The following STARD9 variants were observed in gnomAD, a reference collection of about 807,000 sequenced individuals.
STARD9 encodes the protein stAR-related lipid transfer protein 9.
Under a neutral mutation model 399.8 loss-of-function variants are expected in STARD9, and 346 were observed. The observed-to-expected ratio is 0.87, with a 90% CI of 0.79 to 0.95. STARD9 has a LOEUF of 0.95. Among genes scored for constraint, STARD9 ranks in the 40% least tolerant of loss-of-function variants. The pLI is 0.00. For missense variants in STARD9, 5,832 were observed against 5,667.5 expected (o/e 1.03, Z -0.93); for synonymous variants, 2,203 against 2,143.5 (o/e 1.03, Z -0.77).
intron 3 of STARD9, among the ~76,000 whole-genome samples, chr15:42,621,471 C>T (rs1005182282): frequency 6.6e-6 from 1 of 152,188 alleles, no homozygotes; most frequent in Admixed American, 6.5e-5. Context: ...AAGGCAGCCC[C>T]TAGAACTACG....
chr15:42,665,804 A>G lies in STARD9; in HGVS notation c.1273A>G (p.Ser425Gly), dbSNP rs1402472892. Reference protein sequence around the residue: ...SFELRNFSSLSDENLKELVLQ... With the variant: ...SFELRNFSSLGDENLKELVLQ... ...TGTGCAGAGAAACTTCAGTTCATTG[A>G]GTGATGAAAACCTGAAGGAGCTGGT... Residue 425 changes from serine to glycine, a missense_variant, in exon 15 of 33, where the codon AGT becomes GGT. By Grantham distance (56) the Ser-to-Gly change is moderately conservative (BLOSUM62 0). Coordinates refer to ENST00000290607, the MANE Select transcript of STARD9 (RefSeq NM_020759.3). 6 of 1,537,194 alleles carry G rather than the reference A, an allele frequency of 3.9e-6. No individual in the cohort carries two copies. The South Asian group carries it at 7.1e-5, about 18-fold the overall frequency.
In STARD9 at chr15:42,684,707, G is replaced by T; in HGVS notation, c.3129G>T (p.Arg1043Ser). ...CTTCTCCAAGCAGGGCATCAAAAAG[G>T]CATCAGAGGGTTCTGGCAACTAGGG... ...KPPSPSRASK[R>S]HQRVLATRVR... Residue 1043 changes from arginine to serine, a missense_variant, in exon 23 of 33, where the codon AGG (arginine) becomes AGT (serine). Around this residue, in one of 2 missense-constraint regions of STARD9, gnomAD observed 5,828 missense variants for 5,651.1 expected, o/e 1.03. Transcript: ENST00000290607. 6.5e-7 allele frequency: 1 copy of T among 1,537,192 alleles called. No individual in the cohort carries two copies. Among genetic ancestry groups the T allele is most frequent in the Non-Finnish European group, 8.7e-7 (1 of 1,146,908 alleles).
At position 42,717,062 on chromosome 15, in the gene STARD9, C is replaced by A; in HGVS notation, c.13494+14C>A. ...TCTATGGCTGATGTGAGTAACTGCTCCCACCCATCCCTACCATTCCTTTAC... is the reference window on the plus strand; with the variant it reads ...TCTATGGCTGATGTGAGTAACTGCTACCACCCATCCCTACCATTCCTTTAC... On this transcript the variant is annotated intron_variant, in intron 28 of 32. Transcript: ENST00000290607. The A allele has an allele frequency of 6.5e-7, 1 of 1,536,982 alleles. No individual in the cohort carries two copies. Among genetic ancestry groups the A allele is most frequent in the South Asian group, 1.2e-5 (1 of 84,014 alleles).
chr15:42,600,452 G>A (rs890610089), intron 3 of STARD9, among the ~76,000 whole-genome samples: 1 of 151,958 alleles, frequency 6.6e-6, no homozygotes, highest in Non-Finnish European at 1.5e-5. Flanking sequence ...TGGGCTAGGT[G>A]CTGGGTAAAC....
chr15:42,675,888 C>G lies in STARD9; in HGVS notation c.1787C>G (p.Ala596Gly), dbSNP rs1017776275. 1.5e-5 allele frequency: 23 copies of G among 1,537,122 alleles called. No homozygotes were observed. The highest frequency in any genetic ancestry group is 1.9e-5 in the Non-Finnish European group (22 of 1,146,902). ...TTGTTCAAGGTTGGAGAGGCTGCTGCTGGTCGTGGCTCGTTGGAGTGGCTG... is the reference window on the plus strand; with the variant it reads ...TTGTTCAAGGTTGGAGAGGCTGCTGGTGGTCGTGGCTCGTTGGAGTGGCTG... ...RQRRQVGEAA[A>G]GRGSLEWLDL... The change falls in exon 20 of 33, where the codon GCT becomes GGT. Residue 596 changes from alanine (A) to glycine (G), a missense_variant. By Grantham distance (60) the Ala-to-Gly change is moderately conservative. Around this residue, in one of 2 missense-constraint regions of STARD9, gnomAD observed 5,828 missense variants for 5,651.1 expected, o/e 1.03. Transcript: ENST00000290607.
Position 42,651,028 on chromosome 15 carries a change from A to G in STARD9, c.572A>G (p.His191Arg), listed in dbSNP as rs536722046. 3 of 1,532,634 alleles carry G rather than the reference A, an allele frequency of 2.0e-6. No homozygotes were observed. The highest frequency in any genetic ancestry group is 2.4e-5 in the South Asian group (2 of 83,646). 94.9% of individuals were successfully genotyped at this position (1,532,634 alleles called of 1,614,324 possible). Residue 191 changes from histidine (H) to arginine (R), a missense_variant, in exon 8 of 33, where the codon CAT becomes CGT. By Grantham distance (29) the His-to-Arg change is conservative (BLOSUM62 0). Around this residue, in one of 2 missense-constraint regions of STARD9, gnomAD observed 5,828 missense variants for 5,651.1 expected, o/e 1.03. Coordinates refer to ENST00000290607, the MANE Select transcript of STARD9 (RefSeq NM_020759.3). ...MGPYVQGLSQ[H>R]VVTNYKQVIQ... ...ACAAATCCGATAGGTTTATCTCAACATGTAGTTACCAATTATAAGCAAGTA... is the reference window on the plus strand; with the variant it reads ...ACAAATCCGATAGGTTTATCTCAACGTGTAGTTACCAATTATAAGCAAGTA...
At chr15:42,635,371 C>G (rs2059399854) in intron 4 of STARD9, among the ~76,000 whole-genome samples, 1 of 151,122 alleles carries the variant, frequency 6.6e-6, no homozygotes, top group Non-Finnish European at 1.5e-5. Flanking sequence ...GCTCTGTCGC[C>G]GAGGCTGGAG....
At chr15:42,666,796 C>G (rs888778318) in intron 15 of STARD9, among the ~76,000 whole-genome samples, 1 of 152,022 alleles carries the variant, frequency 6.6e-6, no homozygotes, top group Admixed American at 6.6e-5. Flanking sequence ...AATGGTGATT[C>G]CCAGAGACAT....
chr15:42,609,346 C>T (rs756867997), intron 3 of STARD9, among the ~76,000 whole-genome samples: 1 of 152,088 alleles, frequency 6.6e-6, no homozygotes, highest in African/African-American at 2.4e-5. Flanking sequence ...GTCAGTGTGT[C>T]ATGAACACAC....
intron 8 of STARD9, among the ~76,000 whole-genome samples, chr15:42,651,601 C>A (rs945900606): frequency 2.0e-5 from 3 of 152,028 alleles, no homozygotes; most frequent in Non-Finnish European, 2.9e-5. Flanking sequence ...CTATGAAATA[C>A]CTAGAATATT....
chr15:42,687,593 G>A lies in STARD9; in HGVS notation c.6015G>A (p.Arg2005=), dbSNP rs996431273. ...CAGGTACAAAGCCTGCATATGAAAG[G>A]TTCCAGTTAGTTGCATGCCCTCAGG... ...KLPGTKPAYE[R]FQLVACPQER... Residue 2005 remains arginine (R), a synonymous_variant, in exon 23 of 33, where the codon AGG becomes AGA. Coordinates refer to ENST00000290607, the MANE Select transcript of STARD9 (RefSeq NM_020759.3). 8.5e-6 allele frequency: 13 copies of A among 1,536,996 alleles called. No individual in the cohort carries two copies. In the Admixed American group the frequency reaches 1.8e-4, roughly 21 times the overall value.
At position 42,599,820 on chromosome 15, in the gene STARD9, C is replaced by G. The variant is rs534535503; in HGVS notation, c.234+14183C>G. On this transcript the variant is annotated intron_variant, in intron 3 of 32. Transcript: ENST00000290607. ...ACAGAGTAGTAGATGTGATTCCTGC[C>G]CTCAAAAAGCTTACAGTCTTATTGG... 6.6e-4 allele frequency among the ~76,000 whole-genome samples: 100 copies of G among 152,182 alleles called. 1 individual carries two copies. The highest frequency in any genetic ancestry group is 2.3e-3 in the African/African-American group (97 of 41,498).
In STARD9 at chr15:42,691,060, A is replaced by G; in HGVS notation, c.9482A>G (p.His3161Arg). The change falls in exon 23 of 33, where the codon CAT becomes CGT. Residue 3161 changes from histidine (H) to arginine (R), a missense_variant. Around this residue, in one of 2 missense-constraint regions of STARD9, gnomAD observed 5,828 missense variants for 5,651.1 expected, o/e 1.03. Transcript: ENST00000290607. ...AGCAAGTTGGTGGTAGAGCCACAGC[A>G]TGAATGTTTAGAAAATACCACTAGA... ...AESKLVVEPQ[H>R]ECLENTTRCF... The G allele has an allele frequency of 6.5e-7, 1 of 1,537,234 alleles. No homozygotes were observed.
Position 42,585,650 on chromosome 15 carries a change from A to G in STARD9, c.234+13A>G. 6.8e-7 allele frequency: 1 copy of G among 1,466,508 alleles called. No homozygotes were observed. The highest frequency in any genetic ancestry group is 9.2e-7 in the Non-Finnish European group (1 of 1,084,496). 90.8% of individuals were successfully genotyped at this position (1,466,508 alleles called of 1,614,324 possible). A position where few individuals can be genotyped will look rare whatever the true frequency, so the allele number is the denominator to read the frequency against. On this transcript the variant is annotated intron_variant, in intron 3 of 32. Transcript: ENST00000290607. ...ATCTCAAGATGTGGTAATATCATTT[A>G]TCATTTTTCTTTCACCTCAGTTCTT...
In STARD9 at chr15:42,694,339, C is replaced by T. The variant is rs1380558854; in HGVS notation, c.12761C>T (p.Ala4254Val). The T allele has an allele frequency of 6.5e-7, 1 of 1,529,224 alleles. No individual in the cohort carries two copies. The highest frequency in any genetic ancestry group is 1.4e-5 in the African/African-American group (1 of 72,852). 94.7% of individuals were successfully genotyped at this position (1,529,224 alleles called of 1,614,324 possible). A position where few individuals can be genotyped will look rare whatever the true frequency, so the allele number is the denominator to read the frequency against. Reference sequence around the variant, plus strand: ...ACATCCACCTGGAAGGAGCTCTATGCACGGTAAGGACCCCCAGCCTGGAGT... The same window carrying T: ...ACATCCACCTGGAAGGAGCTCTATGTACGGTAAGGACCCCCAGCCTGGAGT... Reference protein sequence around the residue: ...PVTSTWKELYARQKKAIETLR... With the variant: ...PVTSTWKELYVRQKKAIETLR... The change falls in exon 23 of 33, where the codon GCA (alanine) becomes GTA (valine). Residue 4254 changes from alanine to valine, a missense_variant. By Grantham distance (64) the Ala-to-Val change is moderately conservative. Around this residue, in one of 2 missense-constraint regions of STARD9, gnomAD observed 5,828 missense variants for 5,651.1 expected, o/e 1.03. Coordinates refer to ENST00000290607, the MANE Select transcript of STARD9 (RefSeq NM_020759.3).
Position 42,638,844 on chromosome 15 carries a change from C to T in STARD9, c.559+32C>T, listed in dbSNP as rs568888436. On this transcript the variant is annotated intron_variant, in intron 7 of 32. Transcript: ENST00000290607. ...TACTGTGGTCCTGGAGATCTGAAAC[C>T]AAACTGAAGCCTGGGAAGCTCTCCT... The T allele has an allele frequency of 5.3e-5, 69 of 1,310,270 alleles. No homozygotes were observed. The East Asian group carries it at 1.7e-3, about 32-fold the overall frequency. The allele number at this position is 1,310,270 out of a possible 1,614,324, so 81.2% of individuals were successfully genotyped here.
chr15:42,646,112 G>A (rs2059640596), intron 7 of STARD9, among the ~76,000 whole-genome samples: 1 of 152,100 alleles, frequency 6.6e-6, no homozygotes, highest in African/African-American at 2.4e-5. Context: ...AGTGAGCCGA[G>A]ATTGTGCCAC....
At chr15:42,596,408 A>T (rs111656044) in intron 3 of STARD9, among the ~76,000 whole-genome samples, 7 of 152,316 alleles carry the variant, frequency 4.6e-5, no homozygotes, top group Admixed American at 4.6e-4. Flanking sequence ...GAAGAGAAGT[A>T]TGATGATGGT....
At chr15:42,596,148 G>A in intron 3 of STARD9, among the ~76,000 whole-genome samples, 1 of 152,304 alleles carries the variant, frequency 6.6e-6, no homozygotes, top group South Asian at 2.1e-4. Flanking sequence ...GTGGTAGCTA[G>A]AGCCCTTGAG....
Sources: allele counts gnomAD v4.1 joint callset (sites outside exome capture counted in the v4.1 genomes callset), GRCh38; gene constraint gnomAD v4.1.1; regional missense constraint gnomAD v4.1.1; transcripts MANE v1.5; gene names NCBI Gene and HGNC (gene_info 2026-07-23, HGNC 2026-07-21).